The following BST1 variants were observed in gnomAD, a reference collection of about 807,000 sequenced individuals.
BST1 encodes the protein ADP-ribosyl cyclase/cyclic ADP-ribose hydrolase 2.
A neutral mutation model predicts 40.6 loss-of-function variants in BST1; 49 were observed. The observed-to-expected ratio is 1.21, with a 90% confidence interval of 0.96 to 1.53. The LOEUF (loss-of-function observed/expected upper bound fraction) is 1.53, where lower values mean the gene tolerates loss of function less well. BST1 is among the 40% of genes most tolerant of loss of function. BST1 has a pLI of 0.00. For missense variants in BST1, 423 were observed against 395.9 expected (o/e 1.07, Z -0.58); for synonymous variants, 157 against 159.3 (o/e 0.99, Z 0.11).
intron 4 of BST1, among the ~76,000 whole-genome samples, chr4:15,714,787 G>A (rs1345807391): frequency 2.6e-5 from 4 of 152,106 alleles, no homozygotes; most frequent in South Asian, 2.1e-4. Flanking sequence ...AGTTGCGAGC[G>A]GGAGTGTGAC....
chr4:15,767,753 T>A, the BST1 span, among the ~76,000 whole-genome samples: 1 of 152,144 alleles, frequency 6.6e-6, no homozygotes, highest in South Asian at 2.1e-4. Flanking sequence ...TGGATTGATG[T>A]GGGGAAAACA....
intron 8 of BST1, 106 bp from the exon 9 acceptor site, chr4:15,731,634 T>G: frequency 7.0e-7 from 1 of 1,432,562 alleles, no homozygotes; most frequent in Non-Finnish European, 9.6e-7. Context: ...TCATGGCTTC[T>G]CGCTCCGCGC....
chr4:15,763,054 G>A, the BST1 span, among the ~76,000 whole-genome samples: 2 of 151,860 alleles, frequency 1.3e-5, no homozygotes, highest in Non-Finnish European at 2.9e-5. Flanking sequence ...AAAAAACCAT[G>A]CATTACACTA....
intron 2 of BST1, 56 bp from the exon 3 acceptor site, chr4:15,707,455 G>C (rs1719940764): frequency 6.2e-7 from 1 of 1,611,170 alleles, no homozygotes; most frequent in African/African-American, 1.3e-5. Flanking sequence ...TATTGTGCCT[G>C]AGGAGTCGGT....
chr4:15,763,019 T>A, the BST1 span, among the ~76,000 whole-genome samples: 5 of 151,992 alleles, frequency 3.3e-5, no homozygotes, highest in Admixed American at 3.3e-4. Context: ...GTAATGAACA[T>A]GAGGTTATTT....
At chr4:15,731,259 G>T (rs1721356315) in intron 8 of BST1, 4 of 493,392 alleles carry the variant, frequency 8.1e-6, no homozygotes, top group Admixed American at 2.8e-5. Context: ...CTGGGCCGAG[G>T]ATTCGTGGGA....
At chr4:15,735,556 G>A (rs116045280), downstream of BST1, among the ~76,000 whole-genome samples, 657 of 152,284 alleles carry the variant, frequency 4.3e-3, 4 homozygotes, top group African/African-American at 0.015. Context: ...GATATTGCTA[G>A]GGTGTGTGAG....
chr4:15,705,108 C>T, intron 1 of BST1: 1 of 663,252 alleles, frequency 1.5e-6, no homozygotes, highest in Non-Finnish European at 2.7e-6. Context: ...CCTAACACTA[C>T]ACATCCTGCT....
chr4:15,736,944 C>G (rs1184187034), downstream of BST1, among the ~76,000 whole-genome samples: 1 of 152,084 alleles, frequency 6.6e-6, no homozygotes, highest in Non-Finnish European at 1.5e-5. Context: ...GGAATCAAGA[C>G]AAAGGAAATG....
downstream of BST1, among the ~76,000 whole-genome samples, chr4:15,733,198 G>A (rs543526072): frequency 4.6e-5 from 7 of 152,282 alleles, no homozygotes; most frequent in Non-Finnish European, 7.4e-5. Flanking sequence ...TTTACAGAGC[G>A]CTGATTGGTC....
At chr4:15,749,652 A>C in the BST1 span, among the ~76,000 whole-genome samples, 1 of 152,122 alleles carries the variant, frequency 6.6e-6, no homozygotes, top group Non-Finnish European at 1.5e-5. Context: ...TGTCATTCAC[A>C]AGCAAATGAC....
intron 3 of BST1, among the ~76,000 whole-genome samples, chr4:15,709,949 A>T (rs1720101528): frequency 6.6e-6 from 1 of 151,714 alleles, no homozygotes; most frequent in Non-Finnish European, 1.5e-5. Context: ...TTTTTATTTT[A>T]TTTATTTATT....
At chr4:15,715,394 G>C (rs1038199444) in intron 5 of BST1, 33 bp downstream of exon 5, 1 of 1,591,658 alleles carries the variant, frequency 6.3e-7, no homozygotes, top group African/African-American at 1.3e-5. Flanking sequence ...ACACAAGAGA[G>C]AATGCCAAAA....
chr4:15,722,436 A>C (rs1158267698), intron 7 of BST1, among the ~76,000 whole-genome samples: 1 of 152,054 alleles, frequency 6.6e-6, no homozygotes, highest in Non-Finnish European at 1.5e-5. Context: ...CATTTGTTTT[A>C]GTTTTTCTAG....
chr4:15,705,166 C>A (rs1719807558), intron 1 of BST1, among the ~76,000 whole-genome samples: 1 of 151,942 alleles, frequency 6.6e-6, no homozygotes, highest in Admixed American at 6.6e-5. Context: ...TGGAACTGGA[C>A]TATGAGACTG....
At chr4:15,751,192 G>T in the BST1 span, among the ~76,000 whole-genome samples, 3 of 152,174 alleles carry the variant, frequency 2.0e-5, no homozygotes, top group African/African-American at 7.2e-5. Flanking sequence ...AAGAGGAGGG[G>T]TTATATGAAT....
the BST1 span, among the ~76,000 whole-genome samples, chr4:15,751,120 T>G: frequency 6.6e-6 from 1 of 152,174 alleles, no homozygotes; most frequent in Non-Finnish European, 1.5e-5. Flanking sequence ...AGACTTATAC[T>G]AGAGCAGGGG....
Position 15,731,971 on chromosome 4 carries a change from C to A in BST1, c.*126C>A. 1 of 1,392,894 alleles carries A rather than the reference C, an allele frequency of 7.2e-7. No homozygotes were observed. Among genetic ancestry groups the A allele is most frequent in the Non-Finnish European group, 9.4e-7 (1 of 1,068,306 alleles). 86.3% of individuals were successfully genotyped at this position (1,392,894 alleles called of 1,614,324 possible). A position where few individuals can be genotyped will look rare whatever the true frequency, so the allele number is the denominator to read the frequency against. On this transcript the variant is annotated 3_prime_UTR_variant, in exon 9 of 9. Coordinates refer to ENST00000265016, the MANE Select transcript of BST1 (RefSeq NM_004334.3). Reference sequence around the variant, plus strand: ...AGCTTTTTGCTGGGAAAACGATGTCCTGAAAATGGTATTTCAATGAGGCAT... The same window carrying A: ...AGCTTTTTGCTGGGAAAACGATGTCATGAAAATGGTATTTCAATGAGGCAT...
chr4:15,728,641 T>TC (rs1172345131), intron 8 of BST1, among the ~76,000 whole-genome samples: 124 of 144,054 alleles, frequency 8.6e-4, no homozygotes, highest in Non-Finnish European at 1.5e-3. Flanking sequence ...CTTCCTTCCT[T>TC]CCTTTTTTTT....
Sources: gnomAD v4.1 joint callset for allele counts (sites outside exome capture counted in the v4.1 genomes callset) on GRCh38, gnomAD v4.1.1 for gene constraint, MANE v1.5 for transcripts, NCBI Gene and HGNC (gene_info 2026-07-23, HGNC 2026-07-21) for gene names.